Variants in DNAH8 observed in about 807,000 individuals in gnomAD.
DNAH8 encodes the protein axonemal beta dynein heavy chain 8.
DNAH8 carries 382 observed loss-of-function variants against 562.1 expected under a neutral mutation model. The observed-to-expected ratio is 0.68, with a 90% CI of 0.63 to 0.74. The LOEUF (loss-of-function observed/expected upper bound fraction) is 0.74, where lower values mean the gene tolerates loss of function less well. Among genes scored for constraint, DNAH8 ranks in the 30% least tolerant of loss-of-function variants. The pLI is 0.00. For synonymous variants in DNAH8, 1,881 were observed against 1,919.4 expected, an observed-to-expected ratio of 0.98 and a Z score of 0.52; for missense variants, 5,203 against 5,620.4, an observed-to-expected ratio of 0.93 and a Z score of 2.37.
chr6:38,857,389 C>T, intron 41 of DNAH8, 129 bp from the exon 42 acceptor site: 1 of 634,824 alleles, frequency 1.6e-6, no homozygotes, highest in Non-Finnish European at 2.8e-6. Flanking sequence ...TGTTTCCCTC[C>T]TTTGGGAGTG....
chr6:38,929,554 A>G lies in DNAH8; in HGVS notation c.11162A>G (p.Asp3721Gly). 1 of 1,613,290 alleles carries G rather than the reference A, an allele frequency of 6.2e-7. No individual in the cohort carries two copies. The highest frequency in any genetic ancestry group is 8.5e-7 in the Non-Finnish European group (1 of 1,179,502). Residue 3721 changes from aspartate (D) to glycine (G), a missense_variant, in exon 75 of 93, where the codon GAC (aspartate) becomes GGC (glycine). By Grantham distance (94) the Asp-to-Gly change is moderately conservative. Coordinates refer to ENST00000327475, the MANE Select transcript of DNAH8 (RefSeq NM_001206927.2). ...AAATATTTTCGCACACACTTGGAGG[A>G]CAGCCTTTCCTTGGGCCGACCCCTT... ...NHKYFRTHLE[D>G]SLSLGRPLLI...
chr6:38,921,874 G>A (rs926234659), intron 71 of DNAH8, among the ~76,000 whole-genome samples: 1 of 151,336 alleles, frequency 6.6e-6, no homozygotes. Flanking sequence ...AGGGAGACAG[G>A]GGTGGGGCCG....
rs1278424048 is a variant in DNAH8 at position 38,805,455 on chromosome 6, AT to A, written c.3035-21del. On this transcript the variant is annotated intron_variant, in intron 22 of 92. Coordinates refer to ENST00000327475, the MANE Select transcript of DNAH8 (RefSeq NM_001206927.2). ...ACAATGCTAAAAAGTCAAATGTTAT[AT>A]TTTTGTTTTGTCTTTTGTCTATAGA... 3.5e-6 allele frequency: 5 copies of A among 1,417,702 alleles called. No individual in the cohort carries two copies. The African/African-American group carries it at 7.0e-5, about 20-fold the overall frequency. 87.8% of individuals were successfully genotyped at this position (1,417,702 alleles called of 1,614,324 possible).
intron 26 of DNAH8, among the ~76,000 whole-genome samples, chr6:38,817,713 G>A (rs1209611498): frequency 5.3e-5 from 8 of 152,186 alleles, no homozygotes; most frequent in Non-Finnish European, 8.8e-5. Context: ...GGGCAGTGAC[G>A]AATGGCTGGA....
At chr6:38,784,719 A>G (rs76379788) in intron 17 of DNAH8, among the ~76,000 whole-genome samples, 2,267 of 152,348 alleles carry the variant, frequency 0.015, 26 homozygotes, top group Middle Eastern at 0.031. Context: ...CAGCAAACCT[A>G]CAAGGAACTA....
chr6:38,857,456 T>G (rs1322223845), intron 41 of DNAH8, 62 bp from the exon 42 acceptor site: 7 of 1,144,834 alleles, frequency 6.1e-6, no homozygotes, highest in Non-Finnish European at 1.3e-6. Context: ...GACCACCAAA[T>G]TTTATTGCAG....
chr6:38,989,308 C>T (rs986539792), intron 87 of DNAH8, among the ~76,000 whole-genome samples: 1 of 151,482 alleles, frequency 6.6e-6, no homozygotes, highest in Non-Finnish European at 1.5e-5. Flanking sequence ...TCAAATCTGG[C>T]TCATAGGCAT....
intron 68 of DNAH8, 115 bp downstream of exon 68, chr6:38,915,492 CTG>C (rs1292623827): frequency 6.6e-6 from 6 of 910,380 alleles, no homozygotes; most frequent in Non-Finnish European, 9.0e-6. Context: ...TTGATAATCT[CTG>C]AGTCTGGAAA....
chr6:39,013,543 G>A (rs1766366437), intron 91 of DNAH8, among the ~76,000 whole-genome samples: 1 of 152,162 alleles, frequency 6.6e-6, no homozygotes. Context: ...TGTAGAAGGA[G>A]GGCAGTGATT....
intron 8 of DNAH8, among the ~76,000 whole-genome samples, chr6:38,746,530 A>T (rs534860168): frequency 1.2e-4 from 18 of 152,058 alleles, no homozygotes; most frequent in East Asian, 3.9e-4. Flanking sequence ...ATTTTTTTTT[A>T]AAATGGAATC....
chr6:38,801,335 G>T (rs732447), intron 21 of DNAH8, among the ~76,000 whole-genome samples: 1 of 151,972 alleles, frequency 6.6e-6, no homozygotes, highest in Non-Finnish European at 1.5e-5. Flanking sequence ...TATTGGAAAC[G>T]TATGGAAAAA....
At chr6:38,939,455 C>A (rs1339878958) in intron 79 of DNAH8, among the ~76,000 whole-genome samples, 1 of 152,180 alleles carries the variant, frequency 6.6e-6, no homozygotes, top group Non-Finnish European at 1.5e-5. Context: ...AGTTTAGTTA[C>A]ACGAGTATTT....
chr6:39,021,477 A>G (rs1766914137), intron 91 of DNAH8, among the ~76,000 whole-genome samples: 3 of 152,186 alleles, frequency 2.0e-5, no homozygotes, highest in Non-Finnish European at 4.4e-5. Context: ...GTTTTAGAAG[A>G]TTCCTGGGTG....
intron 82 of DNAH8, chr6:38,952,924 T>C (rs1008631835): frequency 1.3e-5 from 2 of 152,238 alleles, no homozygotes; most frequent in South Asian, 2.1e-4. Flanking sequence ...GAGTGATGCC[T>C]CTCGAGTAGC....
At position 38,874,221 on chromosome 6, in the gene DNAH8, GCTCT is replaced by G. The variant is rs1411367401; in HGVS notation, c.7620+850_7620+853del. Among the ~76,000 whole-genome samples, 7 of 63,206 alleles carry G rather than the reference GCTCT, an allele frequency of 1.1e-4. 2 individuals are homozygous for G. The highest frequency in any genetic ancestry group is 1.8e-4 in the Non-Finnish European group (6 of 32,642). The allele number at this position is 63,206 out of a possible 152,430, so 41.5% of individuals were successfully genotyped here. ...TTCTCTCTTTCTTTCTTTCTCTCTC[GCTCT>G]CTCTTTCTCCCCTCCCTCCCCTTCC... On this transcript the variant is annotated intron_variant, in intron 52 of 92. Coordinates refer to ENST00000327475, the MANE Select transcript of DNAH8 (RefSeq NM_001206927.2).
At position 38,929,653 on chromosome 6, in the gene DNAH8, G is replaced by T; in HGVS notation, c.11261G>T (p.Gly3754Val). The change falls in exon 75 of 93, where the codon GGC becomes GTC. Residue 3754 changes from glycine to valine, a missense_variant. Gly to Val is a moderately radical substitution (Grantham distance 109). This residue lies in a region of DNAH8 where 1,399 missense variants were observed against 1,518.4 expected (regional missense o/e 0.92). Coordinates refer to ENST00000327475, the MANE Select transcript of DNAH8 (RefSeq NM_001206927.2). The stretch of plus-strand genomic sequence containing the variant: ...TTAGAAAAGAATTTTATTAAATCTG[G>T]CACCACTTTCAAGGTGAGCTTTGTA... The part of the protein sequence containing the change: ...NVLEKNFIKS[G>V]TTFKVKVGDK... 6.4e-7 allele frequency: 1 copy of T among 1,552,430 alleles called. No homozygotes were observed.
At chr6:38,721,836 A>G (rs1342864673) in intron 1 of DNAH8, among the ~76,000 whole-genome samples, 1 of 152,206 alleles carries the variant, frequency 6.6e-6, no homozygotes, top group East Asian at 1.9e-4. Flanking sequence ...TGCTTAGGCC[A>G]GGTCTGCATC....
chr6:38,890,833 A>C (rs757680801), intron 58 of DNAH8, 72 bp downstream of exon 58: 2 of 1,049,586 alleles, frequency 1.9e-6, no homozygotes, highest in Non-Finnish European at 3.0e-6. Context: ...CTCGTGGCTC[A>C]TTAAGTTATC....
At position 38,921,429 on chromosome 6, in the gene DNAH8, C is replaced by A. The variant is rs769648533; in HGVS notation, c.10585C>A (p.Gln3529Lys). The A allele has an allele frequency of 4.3e-6, 7 of 1,613,656 alleles. No individual in the cohort carries two copies. The highest frequency in any genetic ancestry group is 5.9e-6 in the Non-Finnish European group (7 of 1,179,878). The change falls in exon 71 of 93, where the codon CAA becomes AAA. Residue 3529 changes from glutamine (Q) to lysine (K), a missense_variant. Physicochemically the swap from Gln to Lys is moderately conservative, Grantham distance 53 (BLOSUM62 1). Coordinates refer to ENST00000327475, the MANE Select transcript of DNAH8 (RefSeq NM_001206927.2). The part of the protein sequence containing the change: ...AVANAELGKA[Q>K]ALLDEKQAEL... ...TGCTAATGCTGAGTTAGGGAAGGCA[C>A]AAGCCCTGCTGGATGAGAAGCAAGC... is the stretch of plus-strand genomic sequence containing the variant.
Sources: allele counts gnomAD v4.1 joint callset (sites outside exome capture counted in the v4.1 genomes callset), GRCh38; gene constraint gnomAD v4.1.1; regional missense constraint gnomAD v4.1.1; transcripts MANE v1.5; gene names NCBI Gene and HGNC (gene_info 2026-07-23, HGNC 2026-07-21).